Variants in NBEAL2 observed in about 807,000 individuals in gnomAD.
NBEAL2 encodes neurobeachin like 2, also known as neurobeachin-like protein 2.
In NBEAL2, 160 loss-of-function variants were observed where a neutral mutation model predicts 299.8. The ratio of observed to expected loss-of-function variants is 0.53; its 90% CI spans 0.47 to 0.61. The LOEUF is 0.61. NBEAL2 is among the 20% of genes least tolerant of loss of function. NBEAL2 has a pLI of 0.00. For missense variants in NBEAL2, 3,112 were observed against 3,649.0 expected (o/e 0.85, Z 3.79); for synonymous variants, 1,493 against 1,542.3 (o/e 0.97, Z 0.75).
At chr3:46,992,652 G>C in intron 10 of NBEAL2, 97 bp downstream of exon 10, 1 of 1,171,742 alleles carries the variant, frequency 8.5e-7, no homozygotes, top group Non-Finnish European at 1.2e-6. Context: ...ATGTGTGTAA[G>C]GCCTGGTGTG....
Position 47,001,459 on chromosome 3 carries a change from G to A in NBEAL2, c.4644+21G>A, listed in dbSNP as rs528294493. 1.1e-5 allele frequency: 17 copies of A among 1,606,620 alleles called. No individual in the cohort carries two copies. Among genetic ancestry groups the A allele is most frequent in the East Asian group, 6.7e-5 (3 of 44,588 alleles). On this transcript the variant is annotated intron_variant, in intron 29 of 53. Transcript: ENST00000450053. This position sits in a 1 kb window ranked among gnomAD's most constrained non-coding sequence, Gnocchi z 6.1. ...AGAAGGTGCGACCCCTCAGAGAGGCGTGAGCCACATGAACACTCATGTTCA... is the reference window on the plus strand; with the variant it reads ...AGAAGGTGCGACCCCTCAGAGAGGCATGAGCCACATGAACACTCATGTTCA...
At position 46,999,317 on chromosome 3, in the gene NBEAL2, C is replaced by T. The variant is rs1163467347; in HGVS notation, c.3546C>T (p.Ile1182=). The change falls in exon 25 of 54, where the codon ATC becomes ATT. Residue 1182 remains isoleucine, a splice_region_variant and synonymous_variant. Transcript: ENST00000450053. The part of the protein sequence containing the change: ...LPLLPDRVCK[I]LRRLQQNERL... ...GTCCTCCGATGACCCCCACACAGAT[C>T]CTGCGCAGACTGCAGCAGAATGAGC... 1 of 1,607,788 alleles carries T rather than the reference C, an allele frequency of 6.2e-7. No individual in the cohort carries two copies.
intron 11 of NBEAL2, among the ~76,000 whole-genome samples, 188 bp downstream of exon 11, chr3:46,994,208 G>A (rs1047401442): frequency 6.6e-6 from 1 of 152,210 alleles, no homozygotes; most frequent in Non-Finnish European, 1.5e-5. Flanking sequence ...CCTGGGAGCT[G>A]CATCTTCTCT....
In NBEAL2 at chr3:47,009,531, G is replaced by C. The variant is rs909981964; in HGVS notation, c.*211G>C. The C allele has an allele frequency of 1.7e-6, 1 of 584,492 alleles. No homozygotes were observed. Among genetic ancestry groups the C allele is most frequent in the Admixed American group, 3.1e-5 (1 of 32,368 alleles). 36.2% of individuals were successfully genotyped at this position (584,492 alleles called of 1,614,324 possible). ...CTCGCCGGCTGAGGGGCCGCCCTGA[G>C]GGCCAGCACTGGCGTCTGCGGCCGC... On this transcript the variant is annotated 3_prime_UTR_variant, in exon 54 of 54. Transcript: ENST00000450053.
In NBEAL2 at chr3:47,009,301, A is replaced by AC. The variant is rs1034065892; in HGVS notation, c.8249dup (p.Thr2751TyrfsTer2). 1.9e-6 allele frequency: 3 copies of AC among 1,599,228 alleles called. No homozygotes were observed. The African/African-American group carries it at 4.0e-5, about 21-fold the overall frequency. ...GTGTCCTCGGGAGAGACGGAATACA[A>AC]CCCTACTGAGGCGCGCTGAACCTGG... On this transcript the variant is annotated frameshift_variant, in exon 54 of 54. Transcript: ENST00000450053. LOFTEE classifies it high-confidence loss of function.
chr3:46,996,736 CT>C lies in NBEAL2; in HGVS notation c.2474-14del, dbSNP rs1366344857. ...GAGGCCTAGCAAGGTCTGAAGCCCC[CT>C]GCCCACCTCCCAGGGCCCAATGAGA... On this transcript the variant is annotated splice_polypyrimidine_tract_variant and intron_variant, in intron 16 of 53. Transcript: ENST00000450053. 6.2e-7 allele frequency: 1 copy of C among 1,610,314 alleles called. No individual in the cohort carries two copies.
Position 46,999,474 on chromosome 3 carries a change from G to A in NBEAL2, c.3703G>A (p.Asp1235Asn). ...QGLYKLFLGADCLNLSDLLAV... is the reference protein window; with the variant it reads ...QGLYKLFLGANCLNLSDLLAV... ...CCTCTACAAGCTGTTCCTGGGGGCA[G>A]GTACAACCTGGTTAAGGCCAAGTGG... is the stretch of plus-strand genomic sequence containing the variant. Residue 1235 changes from aspartate to asparagine, a missense_variant and splice_region_variant, in exon 25 of 54, where the codon GAT becomes AAT. Transcript: ENST00000450053. 1 of 1,579,142 alleles carries A rather than the reference G, an allele frequency of 6.3e-7. No individual in the cohort carries two copies. The highest frequency in any genetic ancestry group is 1.1e-5 in the South Asian group (1 of 87,008).
At position 46,988,095 on chromosome 3, in the gene NBEAL2, G is replaced by A. The variant is rs2035804406; in HGVS notation, c.52-574G>A. ...GGGTCCAGGTAACCAGCAAGGGTGGGTGGAGGTTCCCGGGGCAAGGCAGGG... is the reference window on the plus strand; with the variant it reads ...GGGTCCAGGTAACCAGCAAGGGTGGATGGAGGTTCCCGGGGCAAGGCAGGG... On this transcript the variant is annotated intron_variant, in intron 1 of 53. Transcript: ENST00000450053. The surrounding 1 kb of genome is among the most constrained non-coding windows in gnomAD (Gnocchi z 4.4). The A allele has an allele frequency of 3.3e-6, 4 of 1,208,628 alleles. No homozygotes were observed. The highest frequency in any genetic ancestry group is 4.2e-6 in the Non-Finnish European group (4 of 950,326). The allele number at this position is 1,208,628 out of a possible 1,614,324, so 74.9% of individuals were successfully genotyped here. A position where few individuals can be genotyped will look rare whatever the true frequency, so the allele number is the denominator to read the frequency against.
At chr3:46,994,932 G>C in intron 12 of NBEAL2, 100 bp from the exon 13 acceptor site, 1 of 1,443,254 alleles carries the variant, frequency 6.9e-7, no homozygotes, top group Non-Finnish European at 9.2e-7. Context: ...AGTAGATCAT[G>C]TTGCTGACTG....
Position 46,989,627 on chromosome 3 carries a change from C to T in NBEAL2, c.556+34C>T, listed in dbSNP as rs1424488548. Reference sequence around the variant, plus strand: ...CCGCCCCTGCCCCCACTTGGCTCCACCCCCAAACCTAGGCCCCTTCCTGTC... The same window carrying T: ...CCGCCCCTGCCCCCACTTGGCTCCATCCCCAAACCTAGGCCCCTTCCTGTC... On this transcript the variant is annotated intron_variant, in intron 6 of 53. Transcript: ENST00000450053. The surrounding 1 kb of genome is among the most constrained non-coding windows in gnomAD (Gnocchi z 5.5). 4 of 1,534,470 alleles carry T rather than the reference C, an allele frequency of 2.6e-6. No individual in the cohort carries two copies. The highest frequency in any genetic ancestry group is 1.9e-5 in the Admixed American group (1 of 51,506).
At chr3:46,987,902 G>A in intron 1 of NBEAL2, 1 of 995,644 alleles carries the variant, frequency 1.0e-6, no homozygotes, top group South Asian at 1.5e-5. Flanking sequence ...CATCCCTGCG[G>A]TCTGCCGGGA....
chr3:47,002,843 G>A, intron 33 of NBEAL2, 41 bp downstream of exon 33: 1 of 1,537,970 alleles, frequency 6.5e-7, no homozygotes, highest in African/African-American at 1.4e-5. Context: ...GAGGGGTGGG[G>A]CTTGGGAGGG....
Position 47,009,573 on chromosome 3 carries a change from C to G in NBEAL2, c.*253C>G. The G allele has an allele frequency of 3.9e-6, 2 of 506,922 alleles. No homozygotes were observed. Among genetic ancestry groups the G allele is most frequent in the South Asian group, 5.3e-5 (2 of 37,704 alleles). 31.4% of individuals were successfully genotyped at this position (506,922 alleles called of 1,614,324 possible). ...TGCGGCCGCAGCAGCACTTTTTGCA[C>G]AGTCTGGGGCGGGGTTCCCCGGCTT... On this transcript the variant is annotated 3_prime_UTR_variant, in exon 54 of 54. Coordinates refer to ENST00000450053, the MANE Select transcript of NBEAL2 (RefSeq NM_015175.3).
chr3:46,989,009 C>T lies in NBEAL2; in HGVS notation c.269+39C>T, dbSNP rs1230067958. On this transcript the variant is annotated intron_variant, in intron 3 of 53. Coordinates refer to ENST00000450053, the MANE Select transcript of NBEAL2 (RefSeq NM_015175.3). This position sits in a 1 kb window ranked among gnomAD's most constrained non-coding sequence, Gnocchi z 5.5. ...CCACTCTACAAGCAGGGGCCTAGAA[C>T]TGTGGGCCAGAGGGAGAGGGGACAA... 1.6e-5 allele frequency: 25 copies of T among 1,612,108 alleles called. No individual in the cohort carries two copies. The highest frequency in any genetic ancestry group is 2.1e-5 in the Non-Finnish European group (25 of 1,179,112).
At chr3:46,993,021 AG>A (rs1471495701) in intron 10 of NBEAL2, among the ~76,000 whole-genome samples, 2 of 152,194 alleles carry the variant, frequency 1.3e-5, no homozygotes, top group African/African-American at 4.8e-5. Flanking sequence ...AGGAGGCTGC[AG>A]GGTGTCAGCT....
chr3:46,994,749 A>C (rs964609106), intron 12 of NBEAL2, among the ~76,000 whole-genome samples, 196 bp downstream of exon 12: 20 of 152,226 alleles, frequency 1.3e-4, no homozygotes, highest in African/African-American at 4.3e-4. Context: ...AAGCAACTGC[A>C]TGTGAGCAAG....
rs1180045948 is a variant in NBEAL2, at chr3:46,995,949, C to A, written c.2049C>A (p.Val683=). 1 of 1,613,392 alleles carries A rather than the reference C, an allele frequency of 6.2e-7. No homozygotes were observed. Among genetic ancestry groups the A allele is most frequent in the South Asian group, 1.1e-5 (1 of 91,034 alleles). The change falls in exon 15 of 54, where the codon GTC becomes GTA. Residue 683 remains valine, a synonymous_variant. Transcript: ENST00000450053. ...ADSAWHCVAI[V]HVPGRRPFSQ... The stretch of plus-strand genomic sequence containing the variant: ...TGTTCTAGCACTGCGTGGCTATCGT[C>A]CATGTGCCTGGGCGCCGGCCCTTCA...
chr3:47,005,483 C>T lies in NBEAL2; in HGVS notation c.6561-6C>T, dbSNP rs1293450720. On this transcript the variant is annotated splice_region_variant and splice_polypyrimidine_tract_variant and intron_variant, in intron 40 of 53. Coordinates refer to ENST00000450053, the MANE Select transcript of NBEAL2 (RefSeq NM_015175.3). ...ACCTCACCTTGGCCCCGTGCCCCTC[C>T]CCCAGCTTTGACTGCTCCGACCGGC... The T allele has an allele frequency of 1.2e-6, 2 of 1,610,850 alleles. No homozygotes were observed.
Position 46,996,485 on chromosome 3 carries a change from A to T in NBEAL2, c.2366A>T (p.Gln789Leu). 5 of 1,592,084 alleles carry T rather than the reference A, an allele frequency of 3.1e-6. No homozygotes were observed. The highest frequency in any genetic ancestry group is 4.3e-6 in the Non-Finnish European group (5 of 1,167,532). ...GSIDSTLAGT[Q>L]DTRWGSPTSL... ...ATCGACTCTACCCTCGCAGGCACCC[A>T]GGACACTCGGTGGGGCAGCCCCACA... The change falls in exon 16 of 54, where the codon CAG becomes CTG. Residue 789 changes from glutamine to leucine, a missense_variant. Transcript: ENST00000450053.
Sources: gnomAD v4.1 joint callset for allele counts (sites outside exome capture counted in the v4.1 genomes callset) on GRCh38, gnomAD v4.1.1 for gene constraint, Gnocchi (gnomAD v3.1) non-coding constraint, MANE v1.5 for transcripts, NCBI Gene and HGNC (gene_info 2026-07-23, HGNC 2026-07-21) for gene names.